NEAT1: variants seen among roughly 807,000 people sequenced by gnomAD.
NEAT1 encodes nuclear paraspeckle assembly transcript 1.
chr11:65,431,155 G>T (rs945424956), exon 1 of NEAT1: 1 of 152,152 alleles, frequency 6.6e-6, no homozygotes, highest in Non-Finnish European at 1.5e-5. Flanking sequence ...GTCTGTGACT[G>T]GCTTATTTCT....
exon 1 of NEAT1, chr11:65,436,784 T>A (rs1052663574): frequency 1.3e-5 from 2 of 151,518 alleles, no homozygotes; most frequent in Non-Finnish European, 2.9e-5. Context: ...CAGCAATTTT[T>A]ACTGTAGATA....
At chr11:65,437,896 C>T (rs1263187018) in exon 1 of NEAT1, 1 of 152,146 alleles carries the variant, frequency 6.6e-6, no homozygotes, top group Non-Finnish European at 1.5e-5. Flanking sequence ...TGAAATGCTC[C>T]CGTACACACT....
At chr11:65,433,730 G>GTA (rs1196149409) in exon 1 of NEAT1, 6 of 151,322 alleles carry the variant, frequency 4.0e-5, no homozygotes, top group Non-Finnish European at 8.8e-5. Flanking sequence ...GTGTGTGTGT[G>GTA]TGTGTATATA....
At chr11:65,425,591 G>A (rs370771556) in exon 1 of NEAT1, 2 of 152,110 alleles carry the variant, frequency 1.3e-5, no homozygotes, top group African/African-American at 4.8e-5. Flanking sequence ...TATATTGTGG[G>A]CTTTTAACGT....
chr11:65,441,606 T>C (rs574681047), exon 1 of NEAT1: 1 of 152,338 alleles, frequency 6.6e-6, no homozygotes, highest in East Asian at 1.9e-4. Flanking sequence ...TATTTTGATA[T>C]CCTCCTTATG....
At chr11:65,437,193 A>ATG (rs1254477830) in exon 1 of NEAT1, 49 of 132,702 alleles carry the variant, frequency 3.7e-4, no homozygotes, top group African/African-American at 1.1e-3. Flanking sequence ...TTATATATAT[A>ATG]TGTATATATA....
At chr11:65,422,947 G>A (rs2134881831) in exon 1 of NEAT1, 1 of 152,854 alleles carries the variant, frequency 6.5e-6, no homozygotes, top group South Asian at 2.1e-4. Context: ...AGCTTGGCAA[G>A]GAGACTAGGT....
chr11:65,437,186 T>C (rs1187617488), exon 1 of NEAT1: 2 of 133,274 alleles, frequency 1.5e-5, no homozygotes, highest in East Asian at 4.0e-4. Context: ...CTTTAGTTTA[T>C]ATATATATGT....
At chr11:65,431,791 G>A (rs930666939) in exon 1 of NEAT1, 1 of 152,138 alleles carries the variant, frequency 6.6e-6, no homozygotes, top group Non-Finnish European at 1.5e-5. Context: ...ACTTGTAGGA[G>A]TTTCTTTCTA....
At chr11:65,437,309 T>A (rs1448240227) in exon 1 of NEAT1, 2 of 150,136 alleles carry the variant, frequency 1.3e-5, no homozygotes, top group African/African-American at 4.9e-5. Context: ...CTAATCCAGC[T>A]GAAGATTTTG....
chr11:65,428,950 G>T (rs904386689), exon 1 of NEAT1: 1 of 152,024 alleles, frequency 6.6e-6, no homozygotes, highest in African/African-American at 2.4e-5. Context: ...GATTTCTTTT[G>T]TATGCATGGG....
At chr11:65,424,806 AACTTT>A (rs1478455923) in exon 1 of NEAT1, 6 of 152,140 alleles carry the variant, frequency 3.9e-5, no homozygotes, top group African/African-American at 1.2e-4. Flanking sequence ...TTTAAACTTG[AACTTT>A]ACTTCGTTAG....
At chr11:65,433,009 C>CAAAAA (rs796625125) in exon 1 of NEAT1, 1 of 123,940 alleles carries the variant, frequency 8.1e-6, no homozygotes, top group Admixed American at 8.2e-5. Flanking sequence ...AAAATTGCTG[C>CAAAAA]AAAAAAAAAA....
exon 1 of NEAT1, chr11:65,443,681 C>G (rs920001892): frequency 6.6e-6 from 1 of 152,304 alleles, no homozygotes; most frequent in African/African-American, 2.4e-5. Flanking sequence ...CCTTCTATAC[C>G]TCAAGGCAGC....
chr11:65,423,973 G>A (rs1183537618), exon 1 of NEAT1: 1 of 152,328 alleles, frequency 6.6e-6, no homozygotes, highest in African/African-American at 2.4e-5. Flanking sequence ...TGTTCCTCAT[G>A]GCGAGCAGAT....
exon 1 of NEAT1, chr11:65,444,254 G>A: frequency 3.0e-6 from 1 of 336,436 alleles, no homozygotes; most frequent in Admixed American, 4.1e-5. Flanking sequence ...CCACCTGGTA[G>A]TCCTCAGACT....
At chr11:65,429,003 C>A (rs1164090452) in exon 1 of NEAT1, 3 of 152,074 alleles carry the variant, frequency 2.0e-5, no homozygotes, top group African/African-American at 7.2e-5. Context: ...GCCATAAATT[C>A]TATTTTGTGA....
At chr11:65,437,923 CA>C (rs1856676260) in exon 1 of NEAT1, 1 of 152,188 alleles carries the variant, frequency 6.6e-6, no homozygotes, top group Non-Finnish European at 1.5e-5. Flanking sequence ...TTAAAAATGC[CA>C]GTAAGTTCAT....
exon 1 of NEAT1, chr11:65,437,212 T>C (rs1171199808): frequency 1.5e-5 from 2 of 131,198 alleles, no homozygotes; most frequent in Admixed American, 7.3e-5. Flanking sequence ...TATATATATG[T>C]ATATATATAT....
Sources: allele counts gnomAD v4.1 joint callset, GRCh38; gene constraint gnomAD v4.1.1; transcripts MANE v1.5; gene names NCBI Gene and HGNC (gene_info 2026-07-23, HGNC 2026-07-21).